PDE4D: variants seen among roughly 807,000 people sequenced by gnomAD.
PDE4D encodes 3',5'-cyclic-AMP phosphodiesterase 4D.
In PDE4D, 24 loss-of-function variants were observed where a neutral mutation model predicts 87.4. The ratio of observed to expected loss-of-function variants is 0.27; its 90% CI spans 0.20 to 0.39. The LOEUF (loss-of-function observed/expected upper bound fraction) is 0.39, where lower values mean the gene tolerates loss of function less well. Among genes scored for constraint, PDE4D ranks in the 10% least tolerant of loss-of-function variants. PDE4D has a pLI of 1.00. For synonymous variants in PDE4D, 384 were observed against 383.2 expected, an observed-to-expected ratio of 1.00 and a Z score of -0.02; for missense variants, 714 against 1,041.0, an observed-to-expected ratio of 0.69 and a Z score of 4.32.
chr5:59,142,743 C>G (rs1446404977), intron 5 of PDE4D, among the ~76,000 whole-genome samples: 1 of 152,174 alleles, frequency 6.6e-6, no homozygotes, highest in East Asian at 1.9e-4. Context: ...GAGTGAAACC[C>G]CATCTCTACT....
chr5:60,064,310 T>C (rs1771810138), intron 2 of PDE4D, among the ~76,000 whole-genome samples: 1 of 152,098 alleles, frequency 6.6e-6, no homozygotes, highest in Admixed American at 6.6e-5. Flanking sequence ...ATTGTGCATA[T>C]TTTATGAATG....
At chr5:60,017,161 T>A (rs1245620268) in intron 2 of PDE4D, among the ~76,000 whole-genome samples, 4 of 152,196 alleles carry the variant, frequency 2.6e-5, no homozygotes, top group African/African-American at 9.6e-5. Flanking sequence ...AATAAATCTC[T>A]TTTTCCTAAG....
intron 1 of PDE4D, among the ~76,000 whole-genome samples, chr5:59,435,488 T>C (rs974265342): frequency 6.6e-6 from 1 of 152,184 alleles, no homozygotes; most frequent in Non-Finnish European, 1.5e-5. Context: ...CTTTCTTCTC[T>C]GGCTGGCTAA....
chr5:59,093,879 A>C (rs1025748046), intron 5 of PDE4D, among the ~76,000 whole-genome samples: 5 of 152,178 alleles, frequency 3.3e-5, no homozygotes, highest in African/African-American at 1.2e-4. Context: ...ATAATCTGTG[A>C]CCTTAGATAA....
At chr5:59,192,887 G>A (rs1317251548) in intron 3 of PDE4D, among the ~76,000 whole-genome samples, 1 of 152,190 alleles carries the variant, frequency 6.6e-6, no homozygotes, top group Admixed American at 6.5e-5. Flanking sequence ...GAGGTCTCTA[G>A]GTTAATCTAA....
In PDE4D at chr5:60,477,601, T is replaced by C. The variant is rs148822615; in HGVS notation, c.-90+10341A>G. 6.6e-5 allele frequency among the ~76,000 whole-genome samples: 10 copies of C among 152,300 alleles called. No individual in the cohort carries two copies. In the East Asian group the frequency reaches 1.9e-3, roughly 29 times the overall value. On this transcript the variant is annotated intron_variant, in intron 1 of 16. Transcript: ENST00000502484. ...TGGCCCAACTCATGGCCTTCCTATGTATGCACACTTTGACTCATAACTTTA... is the reference window on the plus strand; with the variant it reads ...TGGCCCAACTCATGGCCTTCCTATGCATGCACACTTTGACTCATAACTTTA...
chr5:60,400,650 G>C (rs985525165), intron 1 of PDE4D, among the ~76,000 whole-genome samples: 1 of 151,866 alleles, frequency 6.6e-6, no homozygotes, highest in Non-Finnish European at 1.5e-5. Context: ...AAAACTGAGG[G>C]GCTGGGTGCG....
chr5:59,977,915 T>G (rs1192599555), intron 3 of PDE4D, among the ~76,000 whole-genome samples: 2 of 152,210 alleles, frequency 1.3e-5, no homozygotes, highest in African/African-American at 4.8e-5. Flanking sequence ...TGCCTGTGCT[T>G]TATAAATAAA....
intron 2 of PDE4D, among the ~76,000 whole-genome samples, chr5:60,182,122 T>A (rs1350941525): frequency 6.6e-6 from 1 of 152,104 alleles, no homozygotes; most frequent in Non-Finnish European, 1.5e-5. Context: ...GGATTAGATG[T>A]TAAGAAAGAA....
chr5:60,409,984 G>C (rs1356585016), intron 1 of PDE4D, among the ~76,000 whole-genome samples: 2 of 152,168 alleles, frequency 1.3e-5, no homozygotes, highest in African/African-American at 4.8e-5. Context: ...CCCCATTCCT[G>C]TTCAGGGCTC....
At chr5:59,131,343 G>A (rs933650092) in intron 5 of PDE4D, among the ~76,000 whole-genome samples, 2 of 152,068 alleles carry the variant, frequency 1.3e-5, no homozygotes, top group Admixed American at 6.5e-5. Context: ...TAGTACACAA[G>A]TACCAGGTAC....
At chr5:59,712,376 T>C (rs1414344004) in intron 1 of PDE4D, among the ~76,000 whole-genome samples, 1 of 136,710 alleles carries the variant, frequency 7.3e-6, no homozygotes, top group Non-Finnish European at 1.5e-5. Flanking sequence ...AATATAAGAA[T>C]AAAGGTTAAT....
chr5:59,045,712 C>A (rs939314788), intron 5 of PDE4D, among the ~76,000 whole-genome samples: 1 of 152,054 alleles, frequency 6.6e-6, no homozygotes, highest in Admixed American at 6.6e-5. Context: ...GCAGGTAGGA[C>A]TATATCTTCA....
chr5:59,075,287 T>C (rs1400432683), intron 5 of PDE4D, among the ~76,000 whole-genome samples: 3 of 152,184 alleles, frequency 2.0e-5, no homozygotes, highest in Non-Finnish European at 2.9e-5. Flanking sequence ...ATGAAACTTA[T>C]TTCTTTGAAA....
At chr5:59,064,611 A>G (rs1311749189) in intron 5 of PDE4D, among the ~76,000 whole-genome samples, 1 of 152,136 alleles carries the variant, frequency 6.6e-6, no homozygotes, top group Non-Finnish European at 1.5e-5. Flanking sequence ...AATATTCTGC[A>G]CACCATGGTG....
Position 60,117,970 on chromosome 5 carries a change from C to T in PDE4D, c.42+67587G>A, listed in dbSNP as rs527316367. Reference sequence around the variant, plus strand: ...TCTCTCACAAAGATGACATGAGCACCAACTTGCCAAACAATTGATCTTTTC... The same window carrying T: ...TCTCTCACAAAGATGACATGAGCACTAACTTGCCAAACAATTGATCTTTTC... On this transcript the variant is annotated intron_variant, in intron 2 of 16. Coordinates refer to the PDE4D transcript ENST00000502484. 3.3e-5 allele frequency among the ~76,000 whole-genome samples: 5 copies of T among 152,198 alleles called. No homozygotes were observed. In the South Asian group the frequency reaches 1.0e-3, roughly 32 times the overall value.
intron 1 of PDE4D, among the ~76,000 whole-genome samples, chr5:59,461,478 A>T (rs2153646299): frequency 6.6e-6 from 1 of 152,306 alleles, no homozygotes; most frequent in South Asian, 2.1e-4. Context: ...ACTATAAAAC[A>T]CAGTCATTTG....
At chr5:59,379,938 G>A (rs441683) in intron 1 of PDE4D, among the ~76,000 whole-genome samples, 97,111 of 151,584 alleles carry the variant, frequency 0.64, 31,396 homozygotes, top group South Asian at 0.78. Flanking sequence ...TCACCCAGGT[G>A]GTCAGCATTG....
At chr5:60,230,868 A>G (rs187220536) in intron 1 of PDE4D, among the ~76,000 whole-genome samples, 1 of 152,198 alleles carries the variant, frequency 6.6e-6, no homozygotes, top group Admixed American at 6.6e-5. Context: ...AGAAATAGGT[A>G]GGCTTTGGCA....
Sources: gnomAD v4.1 joint callset for allele counts (sites outside exome capture counted in the v4.1 genomes callset) on GRCh38, gnomAD v4.1.1 for gene constraint, MANE v1.5 for transcripts, NCBI Gene and HGNC (gene_info 2026-07-23, HGNC 2026-07-21) for gene names.